The following ADAMTSL3 variants were observed in gnomAD, a reference collection of about 807,000 sequenced individuals.
ADAMTSL3 encodes the protein ADAMTS like 3, also known as ADAMTS-like protein 3.
ADAMTSL3 carries 128 observed loss-of-function variants against 201.7 expected under a neutral mutation model. The ratio of observed to expected loss-of-function variants is 0.63; its 90% CI spans 0.55 to 0.73. The LOEUF (loss-of-function observed/expected upper bound fraction) is 0.73. Ranked by LOEUF, ADAMTSL3 falls within the 30% of genes least tolerant of loss-of-function variation. ADAMTSL3 has a pLI of 0.00. For synonymous variants in ADAMTSL3, 738 were observed against 748.4 expected, an observed-to-expected ratio of 0.99 and a Z score of 0.23; for missense variants, 1,990 against 2,119.6, an observed-to-expected ratio of 0.94 and a Z score of 1.20.
At chr15:83,999,459 A>G (rs1333323178) in intron 23 of ADAMTSL3, among the ~76,000 whole-genome samples, 1 of 152,238 alleles carries the variant, frequency 6.6e-6, no homozygotes, top group African/African-American at 2.4e-5. Flanking sequence ...AGAATTCTAA[A>G]TACATTATCG....
At chr15:83,677,304 G>A (rs543423365) in intron 2 of ADAMTSL3, among the ~76,000 whole-genome samples, 233 of 152,234 alleles carry the variant, frequency 1.5e-3, no homozygotes, top group Middle Eastern at 6.8e-3. Flanking sequence ...GGTTGATGGC[G>A]TTGTTTAGTT....
At chr15:83,985,203 C>G (rs898131238) in intron 21 of ADAMTSL3, among the ~76,000 whole-genome samples, 1 of 151,640 alleles carries the variant, frequency 6.6e-6, no homozygotes, top group African/African-American at 2.4e-5. Context: ...AAAAAAAATA[C>G]ACATTTAAAA....
At chr15:83,954,497 T>C (rs977678036) in intron 19 of ADAMTSL3, among the ~76,000 whole-genome samples, 1 of 152,244 alleles carries the variant, frequency 6.6e-6, no homozygotes, top group Non-Finnish European at 1.5e-5. Flanking sequence ...CTGTCATGTA[T>C]CTCTGTCACT....
chr15:83,666,269 C>G (rs2061247054), intron 2 of ADAMTSL3, among the ~76,000 whole-genome samples: 1 of 152,108 alleles, frequency 6.6e-6, no homozygotes, highest in Non-Finnish European at 1.5e-5. Context: ...ATGTGTCATG[C>G]TTTATTGACC....
At chr15:83,681,045 A>G (rs990343382) in intron 2 of ADAMTSL3, among the ~76,000 whole-genome samples, 6 of 152,226 alleles carry the variant, frequency 3.9e-5, no homozygotes, top group Admixed American at 1.3e-4. Flanking sequence ...ATATTCTTCA[A>G]TAAGCATTTG....
chr15:83,719,299 T>G (rs2062063600), intron 3 of ADAMTSL3, among the ~76,000 whole-genome samples: 1 of 152,140 alleles, frequency 6.6e-6, no homozygotes, highest in African/African-American at 2.4e-5. Flanking sequence ...TTCAATTTCT[T>G]CAACAAATAA....
At chr15:83,720,445 A>G (rs1178060233) in intron 3 of ADAMTSL3, among the ~76,000 whole-genome samples, 3 of 152,224 alleles carry the variant, frequency 2.0e-5, no homozygotes, top group African/African-American at 2.4e-5. Flanking sequence ...ATCATATTCA[A>G]TTAAGTTCAA....
chr15:83,967,945 T>C (rs940786106), intron 19 of ADAMTSL3, among the ~76,000 whole-genome samples: 6 of 152,180 alleles, frequency 3.9e-5, no homozygotes, highest in African/African-American at 1.4e-4. Context: ...AGATTCCCTA[T>C]TTAATAAATG....
intron 6 of ADAMTSL3, among the ~76,000 whole-genome samples, chr15:83,831,442 A>G (rs1377865068): frequency 6.6e-6 from 1 of 152,200 alleles, no homozygotes. Flanking sequence ...AGGTTCAGGA[A>G]GAATGTCTTC....
chr15:83,911,891 A>T (rs1208017323), intron 15 of ADAMTSL3, among the ~76,000 whole-genome samples: 1 of 152,214 alleles, frequency 6.6e-6, no homozygotes, highest in African/African-American at 2.4e-5. Context: ...AATCCCACGG[A>T]CAAGGGTCTA....
At chr15:83,899,952 C>T (rs1351010037) in intron 15 of ADAMTSL3, among the ~76,000 whole-genome samples, 1 of 152,190 alleles carries the variant, frequency 6.6e-6, no homozygotes, top group Non-Finnish European at 1.5e-5. Context: ...AACAGTGTTA[C>T]TTAACTCAAA....
At chr15:83,864,163 C>T (rs1283259144) in intron 8 of ADAMTSL3, among the ~76,000 whole-genome samples, 1 of 152,166 alleles carries the variant, frequency 6.6e-6, no homozygotes, top group African/African-American at 2.4e-5. Context: ...GATGGATTCA[C>T]AGCTGAATTC....
chr15:83,680,324 CTCT>C (rs1317128503), intron 2 of ADAMTSL3, among the ~76,000 whole-genome samples: 2 of 151,986 alleles, frequency 1.3e-5, no homozygotes, highest in African/African-American at 2.4e-5. Context: ...TTTTCAGAGG[CTCT>C]TCTTATGATG....
intron 15 of ADAMTSL3, among the ~76,000 whole-genome samples, chr15:83,901,077 C>T (rs368548740): frequency 3.9e-5 from 6 of 152,272 alleles, no homozygotes; most frequent in African/African-American, 1.4e-4. Flanking sequence ...GTGATGTGGG[C>T]CAACATAGCT....
In ADAMTSL3 at chr15:83,819,996, A is replaced by G. The variant is rs2063835152; in HGVS notation, c.549A>G (p.Gly183=). 2 of 1,614,048 alleles carry G rather than the reference A, an allele frequency of 1.2e-6. No individual in the cohort carries two copies. The highest frequency in any genetic ancestry group is 2.7e-5 in the African/African-American group (2 of 74,908). ...VVELAPKVLD[G]TRCNTDSLDM... is the part of the protein sequence containing the mutation. ...AGCTGGCACCTAAGGTACTGGATGG[A>G]ACTCGTTGCAACACGGACTCCTTGG... The change falls in exon 6 of 30, where the codon GGA becomes GGG. Residue 183 remains glycine (G), a synonymous_variant. Transcript: ENST00000286744.
At chr15:84,015,742 G>A (rs1045534724) in intron 24 of ADAMTSL3, among the ~76,000 whole-genome samples, 1 of 152,174 alleles carries the variant, frequency 6.6e-6, no homozygotes, top group Non-Finnish European at 1.5e-5. Flanking sequence ...GGCTAACCCT[G>A]TCTGGTTCTT....
intron 7 of ADAMTSL3, among the ~76,000 whole-genome samples, chr15:83,842,507 C>T (rs1295004367): frequency 6.6e-6 from 1 of 152,154 alleles, no homozygotes; most frequent in East Asian, 1.9e-4. Flanking sequence ...AGAAGCAAGC[C>T]ACTCCTCCTG....
chr15:83,740,874 T>C (rs987665506), intron 3 of ADAMTSL3, among the ~76,000 whole-genome samples: 2 of 152,104 alleles, frequency 1.3e-5, no homozygotes, highest in Non-Finnish European at 2.9e-5. Context: ...ATGAATACTT[T>C]AAAATCCAAA....
chr15:84,037,627 T>G, intron 29 of ADAMTSL3, 73 bp from the exon 30 acceptor site: 1 of 1,466,994 alleles, frequency 6.8e-7, no homozygotes, highest in Non-Finnish European at 9.1e-7. Flanking sequence ...TTATGGCTTT[T>G]CATAAAGTCA....
Sources: gnomAD v4.1 joint callset for allele counts (sites outside exome capture counted in the v4.1 genomes callset) on GRCh38, gnomAD v4.1.1 for gene constraint, MANE v1.5 for transcripts, NCBI Gene and HGNC (gene_info 2026-07-23, HGNC 2026-07-21) for gene names.